Variants in KDM4B observed in about 807,000 individuals in gnomAD.
KDM4B encodes lysine-specific demethylase 4B.
Under a neutral mutation model 125.2 loss-of-function variants are expected in KDM4B, and 32 were observed. The ratio of observed to expected loss-of-function variants is 0.26; its 90% CI spans 0.19 to 0.34. The LOEUF (loss-of-function observed/expected upper bound fraction) is 0.34. Ranked by LOEUF, KDM4B falls within the 10% of genes least tolerant of loss-of-function variation. The pLI is 1.00. For missense variants in KDM4B, 1,190 were observed against 1,577.7 expected, an observed-to-expected ratio of 0.75 and a Z score of 4.16; for synonymous variants, 721 against 677.9, an observed-to-expected ratio of 1.06 and a Z score of -0.99.
chr19:5,132,090 C>T (rs768167836), intron 13 of KDM4B, 83 bp downstream of exon 13: 33 of 1,447,902 alleles, frequency 2.3e-5, no homozygotes, highest in Middle Eastern at 2.4e-4. Context: ...GGCTCCCCTG[C>T]GGCTTCCTTC....
intron 9 of KDM4B, among the ~76,000 whole-genome samples, chr19:5,101,433 G>A (rs2038931324): frequency 6.6e-6 from 1 of 151,870 alleles, no homozygotes; most frequent in Non-Finnish European, 1.5e-5. Context: ...TGAGGCAGGA[G>A]GATTGCTTGA....
intron 9 of KDM4B, among the ~76,000 whole-genome samples, chr19:5,104,482 CTT>C (rs200687103): frequency 2.1e-5 from 3 of 144,396 alleles, no homozygotes; most frequent in Non-Finnish European, 3.1e-5. Context: ...AGATCAGTAC[CTT>C]TTTTTTTTTT....
intron 6 of KDM4B, among the ~76,000 whole-genome samples, chr19:5,059,976 C>T (rs1413343179): frequency 1.3e-5 from 2 of 152,250 alleles, no homozygotes; most frequent in Non-Finnish European, 2.9e-5. Flanking sequence ...TCTGCAGAGC[C>T]TGGTGCTGGA....
At chr19:5,092,961 T>TC (rs959513070) in intron 9 of KDM4B, among the ~76,000 whole-genome samples, 19 of 152,146 alleles carry the variant, frequency 1.2e-4, no homozygotes, top group African/African-American at 4.3e-4. Context: ...ACATGTCCTC[T>TC]CCCCACCCAA....
At chr19:5,038,722 C>T (rs752277866) in intron 3 of KDM4B, among the ~76,000 whole-genome samples, 3 of 152,222 alleles carry the variant, frequency 2.0e-5, no homozygotes, top group Non-Finnish European at 4.4e-5. Context: ...GCCTCAGTTT[C>T]TTCAGCGGTC....
At chr19:4,998,629 C>T (rs1011470357) in intron 1 of KDM4B, among the ~76,000 whole-genome samples, 3 of 152,190 alleles carry the variant, frequency 2.0e-5, no homozygotes, top group South Asian at 2.1e-4. Context: ...AAAATCAAAT[C>T]TACAGACCCT....
chr19:5,067,931 A>G (rs1215825120), intron 6 of KDM4B, among the ~76,000 whole-genome samples: 1 of 152,104 alleles, frequency 6.6e-6, no homozygotes, highest in Non-Finnish European at 1.5e-5. Flanking sequence ...ATGGAAACCG[A>G]GCTCCCAGGG....
chr19:4,979,544 G>A (rs1418012687), intron 1 of KDM4B, among the ~76,000 whole-genome samples: 1 of 152,170 alleles, frequency 6.6e-6, no homozygotes, highest in Non-Finnish European at 1.5e-5. Context: ...GTCTCTGGAG[G>A]TGTTACCCGA....
chr19:5,077,572 G>A (rs2291148), intron 8 of KDM4B, 102 bp downstream of exon 8: 97,345 of 963,660 alleles, frequency 0.1, 5,901 homozygotes, highest in Admixed American at 0.22. Flanking sequence ...TAACCCTGGA[G>A]AAGTTTCTAG....
At chr19:5,099,766 C>T (rs943521255) in intron 9 of KDM4B, among the ~76,000 whole-genome samples, 20 of 152,362 alleles carry the variant, frequency 1.3e-4, no homozygotes, top group Admixed American at 1.2e-3. Flanking sequence ...CTCCCTCACC[C>T]CTTCTACCAG....
chr19:5,130,945 T>G, intron 11 of KDM4B, 131 bp from the exon 12 acceptor site: 1 of 669,468 alleles, frequency 1.5e-6, no homozygotes, highest in Non-Finnish European at 2.4e-6. Context: ...TGCCCACCCA[T>G]GTTCGTGTGG....
rs1010361681 is a variant in KDM4B at position 4,971,275 on chromosome 19, G to A, written c.-109+2045G>A. On this transcript the variant is annotated intron_variant, in intron 1 of 22. Transcript: ENST00000159111. The surrounding 1 kb of genome is among the most constrained non-coding windows in gnomAD (Gnocchi z 4.1). ...CTTTGTTGTACTTTTCTGTCTCGTG[G>A]AAGAGACCCTTCCTCAGCCTCCTGC... Among the ~76,000 whole-genome samples, 3 of 152,138 alleles carry A rather than the reference G, an allele frequency of 2.0e-5. No individual in the cohort carries two copies. Among genetic ancestry groups the A allele is most frequent in the Middle Eastern group, 3.2e-3 (1 of 316 alleles).
intron 15 of KDM4B, among the ~76,000 whole-genome samples, chr19:5,136,926 G>C (rs2039658272): frequency 6.6e-6 from 1 of 152,190 alleles, no homozygotes. Context: ...CTGCTGTTGG[G>C]GGTGCAGACA....
intron 6 of KDM4B, among the ~76,000 whole-genome samples, chr19:5,061,236 TC>T (rs548787885): frequency 1.4e-3 from 212 of 152,300 alleles, no homozygotes; most frequent in Admixed American, 2.0e-3. Flanking sequence ...TGGGCGGCTC[TC>T]CCCATCCCAG....
intron 14 of KDM4B, among the ~76,000 whole-genome samples, chr19:5,135,103 A>G (rs1457633170): frequency 1.3e-5 from 2 of 152,010 alleles, no homozygotes; most frequent in African/African-American, 2.4e-5. Context: ...TCTGGATGCA[A>G]CCCTCATGGG....
intron 9 of KDM4B, among the ~76,000 whole-genome samples, chr19:5,101,786 G>A (rs767079709): frequency 6.6e-6 from 1 of 152,180 alleles, no homozygotes; most frequent in Non-Finnish European, 1.5e-5. Context: ...GGATACCTGG[G>A]TGGGCTGTTA....
chr19:5,061,839 AACAAAAAACAAC>A (rs1168791887), intron 6 of KDM4B, among the ~76,000 whole-genome samples: 8 of 151,814 alleles, frequency 5.3e-5, no homozygotes, highest in Non-Finnish European at 1.0e-4. Context: ...AAAAAAAAAA[AACAAAAAACAAC>A]AACAAAAAAC....
intron 9 of KDM4B, among the ~76,000 whole-genome samples, chr19:5,101,264 A>C: frequency 6.7e-6 from 1 of 149,246 alleles, no homozygotes; most frequent in Non-Finnish European, 1.5e-5. Context: ...TCTGTTTCTT[A>C]CCAGGTTTTT....
At chr19:5,039,155 A>G (rs1250786116) in intron 3 of KDM4B, among the ~76,000 whole-genome samples, 2 of 152,242 alleles carry the variant, frequency 1.3e-5, no homozygotes, top group East Asian at 3.9e-4. Flanking sequence ...GTTTTGAAAA[A>G]TGCCTTACCA....
Sources: allele counts gnomAD v4.1 joint callset (sites outside exome capture counted in the v4.1 genomes callset), GRCh38; gene constraint gnomAD v4.1.1; non-coding constraint Gnocchi (gnomAD v3.1); transcripts MANE v1.5; gene names NCBI Gene and HGNC (gene_info 2026-07-23, HGNC 2026-07-21).